The following SKP1 variants were observed in gnomAD, a reference collection of about 807,000 sequenced individuals.
SKP1 encodes the protein S-phase kinase-associated protein 1.
Under a neutral mutation model 21.5 loss-of-function variants are expected in SKP1, and 1 was observed. That is an observed-to-expected ratio of 0.05 (90% CI 0.02 to 0.22). The LOEUF (loss-of-function observed/expected upper bound fraction) is 0.22. Ranked by LOEUF, SKP1 falls within the 10% of genes least tolerant of loss-of-function variation. The pLI is 1.00. For missense variants in SKP1, 70 were observed against 192.0 expected (o/e 0.36, Z 3.76); for synonymous variants, 59 against 59.3 (o/e 0.99, Z 0.03).
chr5:134,170,580 AAAAC>A (rs1354574411), intron 2 of SKP1, among the ~76,000 whole-genome samples: 1 of 152,198 alleles, frequency 6.6e-6, no homozygotes, highest in African/African-American at 2.4e-5. Context: ...CTGCAGGTGG[AAAAC>A]AAAAAAAGCA....
chr5:134,163,227 A>AAAAAAAAAAAG, intron 3 of SKP1, among the ~76,000 whole-genome samples: 1 of 119,318 alleles, frequency 8.4e-6, no homozygotes, highest in South Asian at 2.5e-4. Context: ...AAAAAAAAAA[A>AAAAAAAAAAAG]AAATCACTAT....
Position 134,154,559 on chromosome 5 carries a change from A to T in SKP1, c.*3174T>A, listed in dbSNP as rs2149371954. ...CTAACATTCAGGAAGGTTTTGGTTTACTTTTAGATCACAAGTGACATAATC... is the reference window on the plus strand; with the variant it reads ...CTAACATTCAGGAAGGTTTTGGTTTTCTTTTAGATCACAAGTGACATAATC... On this transcript the variant is annotated 3_prime_UTR_variant, in exon 6 of 6. Coordinates refer to ENST00000353411, the MANE Select transcript of SKP1 (RefSeq NM_170679.3). 1 of 152,036 alleles carries T rather than the reference A, an allele frequency of 6.6e-6. No individual in the cohort carries two copies. The highest frequency in any genetic ancestry group is 2.4e-5 in the African/African-American group (1 of 41,500). The allele number at this position is 152,036 out of a possible 1,614,324, so 9.4% of individuals were successfully genotyped here.
chr5:134,170,934 G>A (rs938011584), intron 2 of SKP1: 20 of 441,422 alleles, frequency 4.5e-5, no homozygotes, highest in Non-Finnish European at 9.0e-5. Flanking sequence ...ACATCTTCTG[G>A]ATAAAACCTT....
chr5:134,159,919 G>C (rs1761188316), intron 4 of SKP1, among the ~76,000 whole-genome samples: 1 of 151,486 alleles, frequency 6.6e-6, no homozygotes. Context: ...CTAGCCTCAA[G>C]TGATCCACCC....
intron 3 of SKP1, among the ~76,000 whole-genome samples, chr5:134,165,892 A>C (rs186136486): frequency 8.7e-5 from 13 of 149,504 alleles, no homozygotes; most frequent in South Asian, 2.1e-4. Context: ...AAAACAAACA[A>C]ACACAAAAAA....
chr5:134,162,920 GATAATA>G (rs954510668), intron 3 of SKP1, among the ~76,000 whole-genome samples: 2 of 151,632 alleles, frequency 1.3e-5, no homozygotes, highest in Admixed American at 1.3e-4. Context: ...AAAAAATGAT[GATAATA>G]ATAATAGGCT....
chr5:134,174,256 C>T (rs1761497062), intron 1 of SKP1, among the ~76,000 whole-genome samples: 3 of 152,184 alleles, frequency 2.0e-5, no homozygotes, highest in Non-Finnish European at 4.4e-5. Flanking sequence ...TTAAGGCCTG[C>T]CCTACTGAAC....
Position 134,153,961 on chromosome 5 carries a change from A to T in SKP1, c.*3772T>A, listed in dbSNP as rs1761080039. 1 of 152,210 alleles carries T rather than the reference A, an allele frequency of 6.6e-6. No individual in the cohort carries two copies. Among genetic ancestry groups the T allele is most frequent in the Admixed American group, 6.5e-5 (1 of 15,282 alleles). The allele number at this position is 152,210 out of a possible 1,614,324, so 9.4% of individuals were successfully genotyped here. ...CACAATATAGTTCTTGCTTAATTCC[A>T]GGAGCTGGTGTATTCTGACAGTTGT... On this transcript the variant is annotated 3_prime_UTR_variant, in exon 6 of 6. Transcript: ENST00000353411.
chr5:134,162,270 T>A (rs1307727872), intron 3 of SKP1, among the ~76,000 whole-genome samples: 1 of 152,098 alleles, frequency 6.6e-6, no homozygotes, highest in African/African-American at 2.4e-5. Context: ...CTGGCTCATT[T>A]TTGTATTTTG....
chr5:134,170,276 G>A (rs1324013995), intron 2 of SKP1, among the ~76,000 whole-genome samples: 2 of 152,172 alleles, frequency 1.3e-5, no homozygotes, highest in African/African-American at 2.4e-5. Context: ...TGTCCAGGCT[G>A]GTTTTGAACT....
intron 2 of SKP1, among the ~76,000 whole-genome samples, chr5:134,169,120 G>C (rs575594667): frequency 6.6e-6 from 1 of 152,094 alleles, no homozygotes; most frequent in East Asian, 1.9e-4. Context: ...AAGTCAAGAG[G>C]GGAATAATCA....
chr5:134,158,051 A>G, intron 5 of SKP1: 1 of 1,458,520 alleles, frequency 6.9e-7, no homozygotes, highest in Non-Finnish European at 9.1e-7. Context: ...TTCAGTCTGT[A>G]GTCATGTCAA....
At chr5:134,173,685 T>C in intron 2 of SKP1, 1 of 588,052 alleles carries the variant, frequency 1.7e-6, no homozygotes, top group Non-Finnish European at 3.2e-6. Flanking sequence ...GGCAATCACT[T>C]CAATGTTTAT....
intron 2 of SKP1, among the ~76,000 whole-genome samples, chr5:134,169,311 C>T (rs1364409033): frequency 6.6e-6 from 1 of 152,184 alleles, no homozygotes; most frequent in African/African-American, 2.4e-5. Flanking sequence ...TCTTCTCCCT[C>T]CCACCAATGC....
chr5:134,168,541 T>C (rs1196527602), intron 2 of SKP1, among the ~76,000 whole-genome samples: 2 of 152,056 alleles, frequency 1.3e-5, no homozygotes, highest in Admixed American at 6.6e-5. Context: ...TGAGGAACAG[T>C]TAACAATATT....
intron 2 of SKP1, among the ~76,000 whole-genome samples, chr5:134,172,936 C>CG (rs1042408960): frequency 4.0e-4 from 57 of 143,176 alleles, no homozygotes; most frequent in Non-Finnish European, 4.4e-4. Context: ...CACTTGAACC[C>CG]GGGGGGCAGA....
intron 4 of SKP1, among the ~76,000 whole-genome samples, chr5:134,159,747 C>T (rs1050526865): frequency 5.3e-5 from 8 of 152,110 alleles, no homozygotes; most frequent in African/African-American, 9.7e-5. Flanking sequence ...CGGGGTTTCA[C>T]CATGTTAGCC....
At chr5:134,169,815 C>CATGG (rs1761405264) in intron 2 of SKP1, among the ~76,000 whole-genome samples, 2 of 152,226 alleles carry the variant, frequency 1.3e-5, no homozygotes, top group South Asian at 4.1e-4. Flanking sequence ...GCCTGACCAA[C>CATGG]ATGGTGAAAA....
chr5:134,167,684 C>A (rs1168669693), intron 2 of SKP1, among the ~76,000 whole-genome samples: 1 of 152,090 alleles, frequency 6.6e-6, no homozygotes, highest in Non-Finnish European at 1.5e-5. Context: ...CCACCACGCC[C>A]GGCTAATTTT....
Sources: allele counts gnomAD v4.1 joint callset (sites outside exome capture counted in the v4.1 genomes callset), GRCh38; gene constraint gnomAD v4.1.1; transcripts MANE v1.5; gene names NCBI Gene and HGNC (gene_info 2026-07-23, HGNC 2026-07-21).